Variants in PLEKHB2 observed in about 807,000 individuals in gnomAD.
The protein encoded by PLEKHB2 is pleckstrin homology domain-containing family B member 2.
In PLEKHB2, 31 loss-of-function variants were observed where a neutral mutation model predicts 36.5. That is an observed-to-expected ratio of 0.85 (90% CI 0.64 to 1.15). The LOEUF is 1.15. Among genes scored for constraint, PLEKHB2 ranks in the 50% most tolerant of loss-of-function variants. The pLI, the probability that PLEKHB2 is intolerant of heterozygous loss-of-function variation, is 0.00. For synonymous variants in PLEKHB2, 119 were observed against 112.0 expected (o/e 1.06, Z -0.39); for missense variants, 262 against 295.3 (o/e 0.89, Z 0.83).
intron 6 of PLEKHB2, among the ~76,000 whole-genome samples, chr2:131,139,368 A>G (rs1698560936): frequency 6.6e-6 from 1 of 152,124 alleles, no homozygotes; most frequent in African/African-American, 2.4e-5. Context: ...ACAAGAAAGA[A>G]TGTCTACTCC....
intron 7 of PLEKHB2, among the ~76,000 whole-genome samples, chr2:131,145,904 C>T (rs1053938941): frequency 6.6e-6 from 1 of 150,806 alleles, no homozygotes; most frequent in African/African-American, 2.4e-5. Flanking sequence ...TAGGCCGGGC[C>T]GGGCGTGGTG....
intron 2 of PLEKHB2, among the ~76,000 whole-genome samples, chr2:131,121,978 A>G (rs879645368): frequency 2.0e-5 from 3 of 152,108 alleles, no homozygotes; most frequent in Admixed American, 2.0e-4. Context: ...GGCTCACTGC[A>G]ACCTCCGCCT....
intron 7 of PLEKHB2, among the ~76,000 whole-genome samples, chr2:131,146,254 T>C (rs1471005645): frequency 6.6e-6 from 1 of 152,152 alleles, no homozygotes; most frequent in African/African-American, 2.4e-5. Context: ...ACTAAGAAGC[T>C]CATTTGCTTT....
At chr2:131,105,775 C>A (rs572162107) in intron 1 of PLEKHB2, among the ~76,000 whole-genome samples, 1 of 152,296 alleles carries the variant, frequency 6.6e-6, no homozygotes, top group South Asian at 2.1e-4. Context: ...CCGACTGCAG[C>A]CTCCGCCTTG....
At chr2:131,124,110 G>T (rs1444460909) in intron 2 of PLEKHB2, among the ~76,000 whole-genome samples, 1 of 152,136 alleles carries the variant, frequency 6.6e-6, no homozygotes, top group South Asian at 2.1e-4. Flanking sequence ...CTCCCAAAGT[G>T]CTGGAATTAC....
At chr2:131,109,787 G>C (rs1407783909) in intron 1 of PLEKHB2, among the ~76,000 whole-genome samples, 1 of 152,010 alleles carries the variant, frequency 6.6e-6, no homozygotes, top group Non-Finnish European at 1.5e-5. Context: ...TTAAACTATA[G>C]ACAACTATTT....
At chr2:131,128,466 C>T (rs748463211) in intron 4 of PLEKHB2, among the ~76,000 whole-genome samples, 4 of 152,190 alleles carry the variant, frequency 2.6e-5, no homozygotes, top group Non-Finnish European at 5.9e-5. Flanking sequence ...TTGTATCTCC[C>T]TGTCCCCATA....
At chr2:131,137,194 G>A (rs1299915381) in intron 6 of PLEKHB2, among the ~76,000 whole-genome samples, 2 of 148,986 alleles carry the variant, frequency 1.3e-5, no homozygotes, top group South Asian at 2.1e-4. Flanking sequence ...TGATCTGCCC[G>A]CCTCGGCCTC....
At chr2:131,126,024 CAG>C in intron 3 of PLEKHB2, 119 bp downstream of exon 3, 1 of 994,710 alleles carries the variant, frequency 1.0e-6, no homozygotes. Flanking sequence ...GGCTCCATCT[CAG>C]AGGGGCGACC....
At chr2:131,111,671 A>T (rs1695347047) in intron 1 of PLEKHB2, among the ~76,000 whole-genome samples, 1 of 151,608 alleles carries the variant, frequency 6.6e-6, no homozygotes. Context: ...TTGTATTTTT[A>T]GTAGAGACGG....
At chr2:131,114,241 T>A (rs1695622241) in intron 1 of PLEKHB2, among the ~76,000 whole-genome samples, 1 of 152,300 alleles carries the variant, frequency 6.6e-6, no homozygotes, top group East Asian at 1.9e-4. Flanking sequence ...TTCTCCTGCC[T>A]CAGCCTCCCG....
chr2:131,139,150 T>C (rs1171152709), intron 6 of PLEKHB2, among the ~76,000 whole-genome samples: 1 of 152,218 alleles, frequency 6.6e-6, no homozygotes, highest in Admixed American at 6.5e-5. Flanking sequence ...GCAGCTCTTC[T>C]CAGGGTCTTT....
At chr2:131,139,292 TC>T (rs2104953237) in intron 6 of PLEKHB2, among the ~76,000 whole-genome samples, 1 of 152,254 alleles carries the variant, frequency 6.6e-6, no homozygotes, top group South Asian at 2.1e-4. Flanking sequence ...TTCTCTCTCT[TC>T]AGTCTTCTTG....
At chr2:131,143,703 A>G (rs982904220) in intron 7 of PLEKHB2, among the ~76,000 whole-genome samples, 12 of 152,158 alleles carry the variant, frequency 7.9e-5, no homozygotes, top group African/African-American at 2.9e-4. Context: ...ATCACCTTTT[A>G]TGAATAATTT....
At chr2:131,131,394 G>A (rs1308698185) in intron 5 of PLEKHB2, among the ~76,000 whole-genome samples, 3 of 152,228 alleles carry the variant, frequency 2.0e-5, no homozygotes, top group Non-Finnish European at 4.4e-5. Flanking sequence ...AGCTCAGCCT[G>A]TGAAACAAAC....
chr2:131,133,715 C>T (rs566675518), intron 6 of PLEKHB2, among the ~76,000 whole-genome samples: 107 of 152,338 alleles, frequency 7.0e-4, no homozygotes, highest in Admixed American at 1.2e-3. Flanking sequence ...TGCCATCCCT[C>T]TGCTTCCCTA....
chr2:131,123,769 C>A (rs1159057775), intron 2 of PLEKHB2, among the ~76,000 whole-genome samples: 100 of 33,588 alleles, frequency 3.0e-3, no homozygotes, highest in African/African-American at 0.014. Flanking sequence ...CTGGTCCACC[C>A]CCCCCACCCC....
intron 1 of PLEKHB2, 72 bp from the exon 2 acceptor site, chr2:131,120,862 A>G (rs1696435758): frequency 6.8e-7 from 1 of 1,471,296 alleles, no homozygotes; most frequent in Non-Finnish European, 9.5e-7. Flanking sequence ...GGGGATAAGG[A>G]TAGAGACTCG....
chr2:131,111,493 GT>G (rs1163136912), intron 1 of PLEKHB2, among the ~76,000 whole-genome samples: 99 of 117,772 alleles, frequency 8.4e-4, no homozygotes, highest in Non-Finnish European at 1.0e-3. Flanking sequence ...TTTTATTCTT[GT>G]TTTTTTTTTT....
Sources: allele counts gnomAD v4.1 joint callset (sites outside exome capture counted in the v4.1 genomes callset), GRCh38; gene constraint gnomAD v4.1.1; transcripts MANE v1.5; gene names NCBI Gene and HGNC (gene_info 2026-07-23, HGNC 2026-07-21).